KIF3C: variants seen among roughly 807,000 people sequenced by gnomAD.
The protein encoded by KIF3C is kinesin-like protein KIF3C.
A neutral mutation model predicts 67.7 loss-of-function variants in KIF3C; 12 were observed. That is an observed-to-expected ratio of 0.18 (90% CI 0.11 to 0.29). The LOEUF is 0.29. Among genes scored for constraint, KIF3C ranks in the 10% least tolerant of loss-of-function variants. The pLI, the probability that KIF3C is intolerant of heterozygous loss-of-function variation, is 1.00. For synonymous variants in KIF3C, 393 were observed against 426.2 expected, an observed-to-expected ratio of 0.92 and a Z score of 0.96; for missense variants, 789 against 1,059.6, an observed-to-expected ratio of 0.74 and a Z score of 3.55.
chr2:25,972,800 A>G (rs906404085), intron 1 of KIF3C, among the ~76,000 whole-genome samples: 1 of 152,082 alleles, frequency 6.6e-6, no homozygotes, highest in Non-Finnish European at 1.5e-5. Context: ...TCTTCTTCCC[A>G]AAAACCCTGT....
chr2:25,955,782 G>A lies in KIF3C; in HGVS notation c.1648-119C>T, dbSNP rs1354014829. The A allele has an allele frequency of 8.3e-6, 10 of 1,208,172 alleles. No individual in the cohort carries two copies. The Admixed American group carries it at 1.2e-4, about 15-fold the overall frequency. 74.8% of individuals were successfully genotyped at this position (1,208,172 alleles called of 1,614,324 possible). A position where few individuals can be genotyped will look rare whatever the true frequency, so the allele number is the denominator to read the frequency against. On this transcript the variant is annotated intron_variant, in intron 2 of 7. Transcript: ENST00000264712. The surrounding 1 kb of genome is among the most constrained non-coding windows in gnomAD (Gnocchi z 5.0). ...GGACCTGGCTTCACCATGGCCCATG[G>A]CCCACATCCACTGCTCCCACCCAAT... is the stretch of plus-strand genomic sequence containing the variant.
chr2:25,962,889 AATATAAAAT>A (rs1664004524), intron 1 of KIF3C, among the ~76,000 whole-genome samples: 2 of 61,158 alleles, frequency 3.3e-5, no homozygotes, highest in Non-Finnish European at 5.5e-5. Context: ...AAATATATAT[AATATAAAAT>A]ATATATAATA....
intron 5 of KIF3C, among the ~76,000 whole-genome samples, chr2:25,935,868 G>A (rs1446303090): frequency 3.3e-5 from 5 of 151,692 alleles, no homozygotes. Flanking sequence ...ACGAGGTCAG[G>A]AGATTGAGAC....
chr2:25,969,833 A>G (rs966131853), intron 1 of KIF3C, among the ~76,000 whole-genome samples: 2 of 151,762 alleles, frequency 1.3e-5, no homozygotes, highest in Non-Finnish European at 2.9e-5. Flanking sequence ...CTCCCACCTC[A>G]GCCTCTGGAG....
intron 5 of KIF3C, among the ~76,000 whole-genome samples, chr2:25,938,954 T>C (rs1306292702): frequency 1.3e-5 from 2 of 152,110 alleles, no homozygotes; most frequent in African/African-American, 4.8e-5. Flanking sequence ...CTTTCCTGGC[T>C]GTTTGATCAC....
At position 25,981,584 on chromosome 2, in the gene KIF3C, C is replaced by G. The variant is rs751249067; in HGVS notation, c.334G>C (p.Val112Leu). ...ATGACCCCGCGCAGCTCGGGCTCCA[C>G]CCAGGTCCCCTGCATGGTATAGGTC... ...GKTYTMQGTW[V>L]EPELRGVIPN... Residue 112 changes from valine to leucine, a missense_variant, in exon 1 of 8, where the codon GTG (valine) becomes CTG (leucine). By Grantham distance (32) the Val-to-Leu change is conservative (BLOSUM62 1). Coordinates refer to ENST00000264712, the MANE Select transcript of KIF3C (RefSeq NM_002254.8). This position sits in a 1 kb window ranked among gnomAD's most constrained non-coding sequence, Gnocchi z 8.2. The G allele has an allele frequency of 1.2e-6, 2 of 1,614,096 alleles. No homozygotes were observed. The highest frequency in any genetic ancestry group is 2.7e-5 in the African/African-American group (2 of 74,942).
chr2:25,969,277 AG>A (rs10718023), intron 1 of KIF3C, among the ~76,000 whole-genome samples: 20,233 of 152,072 alleles, frequency 0.13, 1,476 homozygotes, highest in African/African-American at 0.18. Flanking sequence ...TCTTCCAACT[AG>A]GCATTAACAT....
rs200594487 is a variant in KIF3C at position 25,951,822 on chromosome 2, T to C, written c.1973A>G (p.Gln658Arg). ...TGGCACCAGTGGCTGGAACTTCCAC[T>C]GCTCCTCCTCACAGTCCAGGAAAAG... ...NRLFLDCEEE[Q>R]WKFQPLVPAG... Residue 658 changes from glutamine (Q) to arginine (R), a missense_variant, in exon 5 of 8, where the codon CAG becomes CGG. Physicochemically the swap from Gln to Arg is conservative, Grantham distance 43. Transcript: ENST00000264712. The C allele has an allele frequency of 6.2e-6, 10 of 1,613,936 alleles. No homozygotes were observed. The East Asian group carries it at 2.0e-4, about 32-fold the overall frequency.
intron 5 of KIF3C, among the ~76,000 whole-genome samples, chr2:25,937,345 T>C (rs1045041282): frequency 6.6e-6 from 1 of 152,192 alleles, no homozygotes; most frequent in African/African-American, 2.4e-5. Flanking sequence ...ATGATGCATA[T>C]AAAAAGGTGC....
At chr2:25,965,643 T>G (rs1664122750) in intron 1 of KIF3C, among the ~76,000 whole-genome samples, 1 of 151,664 alleles carries the variant, frequency 6.6e-6, no homozygotes, top group African/African-American at 2.4e-5. Context: ...TCTCTATCCT[T>G]AACCATCACC....
At chr2:25,974,402 T>C (rs927391251) in intron 1 of KIF3C, among the ~76,000 whole-genome samples, 3 of 151,200 alleles carry the variant, frequency 2.0e-5, no homozygotes, top group Non-Finnish European at 1.5e-5. Flanking sequence ...GGTCTTGCTA[T>C]ATTGCCCAGA....
rs1040300073 is a variant in KIF3C, at chr2:25,958,833, G to C, written c.1546-2389C>G. On this transcript the variant is annotated intron_variant, in intron 1 of 7. Coordinates refer to ENST00000264712, the MANE Select transcript of KIF3C (RefSeq NM_002254.8). The surrounding 1 kb of genome is among the most constrained non-coding windows in gnomAD (Gnocchi z 4.5). ...CTAGCGCCTGTAATCCCGGCACTTT[G>C]GGAGGCCAAGGCAGGCGGATCACCT... 1.3e-5 allele frequency among the ~76,000 whole-genome samples: 2 copies of C among 152,104 alleles called. No individual in the cohort carries two copies. The highest frequency in any genetic ancestry group is 4.8e-5 in the African/African-American group (2 of 41,432).
intron 1 of KIF3C, among the ~76,000 whole-genome samples, chr2:25,957,001 G>A (rs1663821566): frequency 6.6e-6 from 1 of 152,200 alleles, no homozygotes; most frequent in Non-Finnish European, 1.5e-5. Context: ...GAGCTTTGGA[G>A]AGGGCCGGGA....
Position 25,928,894 on chromosome 2 carries a change from C to T in KIF3C, c.*84G>A, listed in dbSNP as rs1229338032. 5.0e-5 allele frequency: 57 copies of T among 1,148,114 alleles called. No individual in the cohort carries two copies. The highest frequency in any genetic ancestry group is 1.5e-4 in the African/African-American group (10 of 65,850). The allele number at this position is 1,148,114 out of a possible 1,614,324, so 71.1% of individuals were successfully genotyped here. A position where few individuals can be genotyped will look rare whatever the true frequency, so the allele number is the denominator to read the frequency against. ...ACACGCACATGCACGCACACGCACA[C>T]GCACCAAGCGGCAGATGAGATGAGC... On this transcript the variant is annotated 3_prime_UTR_variant, in exon 8 of 8. Coordinates refer to ENST00000264712, the MANE Select transcript of KIF3C (RefSeq NM_002254.8).
chr2:25,933,591 C>T (rs1234712921), intron 5 of KIF3C, among the ~76,000 whole-genome samples: 1 of 151,858 alleles, frequency 6.6e-6, no homozygotes, highest in South Asian at 2.1e-4. Context: ...GGGAGGATCA[C>T]CTGAGCCTGG....
intron 5 of KIF3C, among the ~76,000 whole-genome samples, chr2:25,944,409 G>A (rs1663374145): frequency 6.7e-6 from 1 of 149,380 alleles, no homozygotes; most frequent in Non-Finnish European, 1.5e-5. Flanking sequence ...GGAGTGAAGT[G>A]GTATAATCAC....
chr2:25,942,420 T>G (rs183908069), intron 5 of KIF3C, among the ~76,000 whole-genome samples: 11,004 of 152,166 alleles, frequency 0.072, 442 homozygotes, highest in African/African-American at 0.099. Flanking sequence ...AAAAAATTTT[T>G]TTTTTTTGAG....
At chr2:25,938,659 G>A (rs914768463) in intron 5 of KIF3C, among the ~76,000 whole-genome samples, 4 of 152,118 alleles carry the variant, frequency 2.6e-5, no homozygotes, top group East Asian at 3.9e-4. Flanking sequence ...TTGGGGCACC[G>A]ACCTTCCCAT....
chr2:25,978,006 A>G (rs543651788), intron 1 of KIF3C, among the ~76,000 whole-genome samples: 1 of 152,310 alleles, frequency 6.6e-6, no homozygotes, highest in South Asian at 2.1e-4. Flanking sequence ...CACCTGGTAC[A>G]TAGTGACTGT....
Sources: gnomAD v4.1 joint callset for allele counts (sites outside exome capture counted in the v4.1 genomes callset) on GRCh38, gnomAD v4.1.1 for gene constraint, Gnocchi (gnomAD v3.1) non-coding constraint, MANE v1.5 for transcripts, NCBI Gene and HGNC (gene_info 2026-07-23, HGNC 2026-07-21) for gene names.